Variants in RFWD3 observed in about 807,000 individuals in gnomAD.
The protein encoded by RFWD3 is E3 ubiquitin-protein ligase RFWD3.
RFWD3 carries 65 observed loss-of-function variants against 87.7 expected under a neutral mutation model. The observed-to-expected ratio is 0.74, with a 90% CI of 0.61 to 0.91. The LOEUF (loss-of-function observed/expected upper bound fraction) is 0.91. RFWD3 is among the 40% of genes least tolerant of loss of function. RFWD3 has a pLI of 0.00. For missense variants in RFWD3, 1,078 were observed against 938.5 expected (o/e 1.15, Z -1.94); for synonymous variants, 433 against 352.8 (o/e 1.23, Z -2.55).
At chr16:74,635,794 A>G (rs573739766) in intron 8 of RFWD3, among the ~76,000 whole-genome samples, 1 of 152,362 alleles carries the variant, frequency 6.6e-6, no homozygotes, top group East Asian at 1.9e-4. Flanking sequence ...CAAGATTTAG[A>G]AATGATTTAA....
intron 2 of RFWD3, among the ~76,000 whole-genome samples, chr16:74,658,920 A>C (rs1197217775): frequency 6.6e-6 from 1 of 152,074 alleles, no homozygotes; most frequent in African/African-American, 2.4e-5. Context: ...GGTGTGTGCC[A>C]CCACGCCCGG....
intron 2 of RFWD3, among the ~76,000 whole-genome samples, chr16:74,653,033 G>C (rs1157987239): frequency 6.6e-6 from 1 of 151,882 alleles, no homozygotes; most frequent in Non-Finnish European, 1.5e-5. Context: ...AAGGATCTAG[G>C]GACACACACA....
rs1958792699 is a variant in RFWD3, at chr16:74,622,211, T to C, written c.*1717A>G. On this transcript the variant is annotated 3_prime_UTR_variant, in exon 13 of 13. Coordinates refer to ENST00000361070, the MANE Select transcript of RFWD3 (RefSeq NM_018124.4). Reference sequence around the variant, plus strand: ...GAGTTCTGCTTTTTAATTCCAATCCTATTCTGCCACTGAAACTAGGCCTGG... The same window carrying C: ...GAGTTCTGCTTTTTAATTCCAATCCCATTCTGCCACTGAAACTAGGCCTGG... 1.3e-5 allele frequency: 2 copies of C among 152,186 alleles called. No homozygotes were observed. The highest frequency in any genetic ancestry group is 6.5e-5 in the Admixed American group (1 of 15,278). The allele number at this position is 152,186 out of a possible 1,614,324, so 9.4% of individuals were successfully genotyped here.
At chr16:74,636,740 G>T (rs1255647832) in intron 7 of RFWD3, among the ~76,000 whole-genome samples, 163 bp from the exon 8 acceptor site, 1 of 151,220 alleles carries the variant, frequency 6.6e-6, no homozygotes, top group African/African-American at 2.4e-5. Flanking sequence ...TTAAGACGGA[G>T]TCTCACTCTG....
chr16:74,658,374 G>C (rs1567586172), intron 2 of RFWD3, among the ~76,000 whole-genome samples: 1 of 152,220 alleles, frequency 6.6e-6, no homozygotes, highest in African/African-American at 2.4e-5. Context: ...AGCTAAGCCT[G>C]TTGGGAAGAA....
chr16:74,639,842 T>A (rs2144148659), intron 6 of RFWD3, among the ~76,000 whole-genome samples: 2 of 152,344 alleles, frequency 1.3e-5, no homozygotes. Flanking sequence ...TGTCTCCTTA[T>A]CTAGTTTCAT....
At chr16:74,661,634 A>G (rs896388160) in intron 1 of RFWD3, among the ~76,000 whole-genome samples, 183 bp from the exon 2 acceptor site, 3 of 152,176 alleles carry the variant, frequency 2.0e-5, no homozygotes, top group African/African-American at 4.8e-5. Flanking sequence ...TTTCCTCTCT[A>G]TAACAAGCAT....
In RFWD3 at chr16:74,644,632, T is replaced by A. The variant is rs1959961377; in HGVS notation, c.896A>T (p.Asp299Val). The change falls in exon 5 of 13, where the codon GAC (aspartate) becomes GTC (valine). Residue 299 changes from aspartate to valine, a missense_variant. Transcript: ENST00000361070. The stretch of plus-strand genomic sequence containing the variant: ...ACAGCGTAATGCTGAGAGCCGGTGG[T>A]CCCCAGCATTGGTCCACTGTTCCAG... Reference protein sequence around the residue: ...ICLEQWTNAGDHRLSALRCGH... With the variant: ...ICLEQWTNAGVHRLSALRCGH... 6.2e-7 allele frequency: 1 copy of A among 1,614,122 alleles called. No homozygotes were observed. The highest frequency in any genetic ancestry group is 8.5e-7 in the Non-Finnish European group (1 of 1,180,018).
Position 74,662,968 on chromosome 16 carries a change from G to A in RFWD3, c.-2-1517C>T, listed in dbSNP as rs1184898576. Among the ~76,000 whole-genome samples the A allele has an allele frequency of 4.6e-5, 7 of 151,030 alleles. No individual in the cohort carries two copies. The South Asian group carries it at 8.4e-4, about 18-fold the overall frequency. On this transcript the variant is annotated intron_variant, in intron 1 of 12. Transcript: ENST00000361070. ...TGCCCAGGCTGGAGTGCAGTGGCGC[G>A]ATCTCGGCTCACTGCAAGCTCCGCC...
At chr16:74,643,768 C>T (rs1015556310) in intron 6 of RFWD3, among the ~76,000 whole-genome samples, 7 of 149,578 alleles carry the variant, frequency 4.7e-5, no homozygotes, top group African/African-American at 1.5e-4. Flanking sequence ...CTCTGCCTCA[C>T]GGGTTCACGC....
rs1417796434 is a variant in RFWD3, at chr16:74,661,454, A to G, written c.-2-3T>C. On this transcript the variant is annotated splice_polypyrimidine_tract_variant and splice_region_variant and intron_variant, in intron 1 of 12. Transcript: ENST00000361070. The stretch of plus-strand genomic sequence containing the variant: ...TTCCATTGCTTCATGAGCCATCACT[A>G]GAGAAACAGTATTTGTAAAAAGTAT... The G allele has an allele frequency of 4.4e-6, 7 of 1,590,160 alleles. No homozygotes were observed. In the South Asian group the frequency reaches 6.8e-5, roughly 16 times the overall value.
intron 2 of RFWD3, among the ~76,000 whole-genome samples, chr16:74,659,232 A>G (rs1304674515): frequency 1.3e-5 from 2 of 152,176 alleles, no homozygotes; most frequent in East Asian, 1.9e-4. Flanking sequence ...GAATGAGTGC[A>G]TGGATAAGCA....
In RFWD3 at chr16:74,621,560, G is replaced by A. The variant is rs1418700092; in HGVS notation, c.*2368C>T. 6.6e-6 allele frequency: 1 copy of A among 152,132 alleles called. No individual in the cohort carries two copies. The highest frequency in any genetic ancestry group is 6.6e-5 in the Admixed American group (1 of 15,256). The allele number at this position is 152,132 out of a possible 1,614,324, so 9.4% of individuals were successfully genotyped here. ...TTCGTTTAACTCCAAATCCTCAAGT[G>A]GGGAAAAAAACTTAGAGGTAGTGAC... On this transcript the variant is annotated 3_prime_UTR_variant, in exon 13 of 13. Transcript: ENST00000361070.
At chr16:74,657,125 C>T (rs960734466) in intron 2 of RFWD3, among the ~76,000 whole-genome samples, 1 of 152,166 alleles carries the variant, frequency 6.6e-6, no homozygotes, top group East Asian at 1.9e-4. Flanking sequence ...CAGAGAACCA[C>T]CAACAGGTCA....
chr16:74,663,868 A>G (rs1334099598), intron 1 of RFWD3, among the ~76,000 whole-genome samples: 1 of 152,220 alleles, frequency 6.6e-6, no homozygotes, highest in African/African-American at 2.4e-5. Context: ...ACCAGGTACC[A>G]CAAAAGGCAA....
At chr16:74,640,775 T>C (rs1959568683) in intron 6 of RFWD3, among the ~76,000 whole-genome samples, 1 of 151,660 alleles carries the variant, frequency 6.6e-6, no homozygotes, top group African/African-American at 2.4e-5. Flanking sequence ...CCGTCTCTAC[T>C]AAAAATACAA....
intron 1 of RFWD3, among the ~76,000 whole-genome samples, chr16:74,663,172 C>T (rs972717892): frequency 2.0e-5 from 3 of 151,928 alleles, no homozygotes; most frequent in African/African-American, 7.3e-5. Flanking sequence ...CCAAAGTGCT[C>T]GGATTATAGG....
chr16:74,662,402 A>G (rs1043955391), intron 1 of RFWD3, among the ~76,000 whole-genome samples: 1 of 152,226 alleles, frequency 6.6e-6, no homozygotes, highest in African/African-American at 2.4e-5. Flanking sequence ...TATGCAGACA[A>G]GACACCCTAG....
intron 7 of RFWD3, 87 bp from the exon 8 acceptor site, chr16:74,636,664 T>C: frequency 1.0e-6 from 1 of 1,003,736 alleles, no homozygotes; most frequent in Non-Finnish European, 1.5e-6. Flanking sequence ...ACAGGAAGAT[T>C]TTTTATCCAT....
Sources: gnomAD v4.1 joint callset for allele counts (sites outside exome capture counted in the v4.1 genomes callset) on GRCh38, gnomAD v4.1.1 for gene constraint, MANE v1.5 for transcripts, NCBI Gene and HGNC (gene_info 2026-07-23, HGNC 2026-07-21) for gene names.